FHIT: variants seen among roughly 807,000 people sequenced by gnomAD.
FHIT encodes the protein bis(5'-adenosyl)-triphosphatase.
A neutral mutation model predicts 17.9 loss-of-function variants in FHIT; 19 were observed. The observed-to-expected ratio is 1.06, with a 90% CI of 0.74 to 1.56. The LOEUF is 1.56. Ranked by LOEUF, FHIT falls within the 40% of genes most tolerant of loss-of-function variation. The pLI, the probability that FHIT is intolerant of heterozygous loss-of-function variation, is 0.00. For missense variants in FHIT, 248 were observed against 189.2 expected (o/e 1.31, Z -1.82); for synonymous variants, 81 against 69.7 (o/e 1.16, Z -0.81).
chr3:60,191,426 TAAAAA>T (rs1481705476), intron 5 of FHIT, among the ~76,000 whole-genome samples: 1 of 152,152 alleles, frequency 6.6e-6, no homozygotes, highest in Non-Finnish European at 1.5e-5. Flanking sequence ...ACTAGCAAGA[TAAAAA>T]GCAGTATTTC....
intron 5 of FHIT, among the ~76,000 whole-genome samples, chr3:60,313,841 C>T (rs1330446662): frequency 1.3e-5 from 2 of 152,106 alleles, no homozygotes; most frequent in African/African-American, 2.4e-5. Flanking sequence ...GAGAGATGGC[C>T]CCAGAAAAGT....
At chr3:60,541,385 A>T (rs2036180764) in intron 4 of FHIT, among the ~76,000 whole-genome samples, 2 of 152,214 alleles carry the variant, frequency 1.3e-5, no homozygotes, top group African/African-American at 4.8e-5. Flanking sequence ...CATTGATTCA[A>T]GTGACCTGTG....
chr3:59,817,896 T>C (rs1198791076), intron 8 of FHIT, among the ~76,000 whole-genome samples: 1 of 151,926 alleles, frequency 6.6e-6, no homozygotes, highest in African/African-American at 2.4e-5. Context: ...GCTGAGAGCT[T>C]CAGGGGCACT....
chr3:61,145,120 T>A (rs1339932173), intron 2 of FHIT, among the ~76,000 whole-genome samples: 1 of 152,152 alleles, frequency 6.6e-6, no homozygotes, highest in Non-Finnish European at 1.5e-5. Context: ...TAACTCAAGA[T>A]GACAAAGATT....
At chr3:60,518,501 T>G (rs1353230042) in intron 5 of FHIT, among the ~76,000 whole-genome samples, 4 of 152,176 alleles carry the variant, frequency 2.6e-5, no homozygotes, top group Non-Finnish European at 5.9e-5. Flanking sequence ...TGTACCCCCA[T>G]GCAGTGCTAG....
intron 8 of FHIT, among the ~76,000 whole-genome samples, chr3:59,778,427 G>C (rs112437940): frequency 3.9e-5 from 6 of 152,232 alleles, no homozygotes; most frequent in African/African-American, 1.4e-4. Context: ...CATAGAGCTT[G>C]TATTGTAGCA....
chr3:60,212,873 A>C (rs555925311), intron 5 of FHIT, among the ~76,000 whole-genome samples: 1 of 152,250 alleles, frequency 6.6e-6, no homozygotes, highest in South Asian at 2.1e-4. Flanking sequence ...AAACCAGCAA[A>C]TCCGGGTTTG....
intron 4 of FHIT, among the ~76,000 whole-genome samples, chr3:60,764,173 C>T (rs570855436): frequency 6.6e-6 from 1 of 152,166 alleles, no homozygotes; most frequent in East Asian, 1.9e-4. Flanking sequence ...TCCCACCATT[C>T]CTGAGGGGCT....
intron 7 of FHIT, among the ~76,000 whole-genome samples, chr3:59,923,720 C>T (rs1483742014): frequency 2.6e-5 from 4 of 152,102 alleles, no homozygotes; most frequent in Admixed American, 6.5e-5. Context: ...CCCTGATCAC[C>T]CACCCCTTCC....
intron 5 of FHIT, among the ~76,000 whole-genome samples, chr3:60,165,355 T>TC (rs372126177): frequency 5.0e-4 from 76 of 152,328 alleles, no homozygotes; most frequent in African/African-American, 1.0e-3. Flanking sequence ...TCCAGTGCCT[T>TC]CAGCGCAACT....
chr3:59,900,999 C>T (rs984821553), intron 8 of FHIT, among the ~76,000 whole-genome samples: 1 of 152,174 alleles, frequency 6.6e-6, no homozygotes, highest in Non-Finnish European at 1.5e-5. Context: ...GTATGACCAA[C>T]AGGATGCAGA....
At chr3:60,063,110 C>T (rs766450451) in intron 5 of FHIT, among the ~76,000 whole-genome samples, 1 of 152,112 alleles carries the variant, frequency 6.6e-6, no homozygotes, top group Non-Finnish European at 1.5e-5. Flanking sequence ...GCAAAACAGA[C>T]ACTTGGACAG....
intron 1 of FHIT, among the ~76,000 whole-genome samples, chr3:61,204,544 C>A (rs72879875): frequency 2.0e-5 from 3 of 152,084 alleles, no homozygotes; most frequent in African/African-American, 4.8e-5. Flanking sequence ...AAGGAAAACA[C>A]GCTGAATAGA....
intron 4 of FHIT, among the ~76,000 whole-genome samples, chr3:60,751,226 G>T (rs2042459547): frequency 6.6e-6 from 1 of 152,220 alleles, no homozygotes; most frequent in Non-Finnish European, 1.5e-5. Flanking sequence ...TACAACTGAA[G>T]AAATCTGAGA....
chr3:60,139,155 G>A (rs1051072044), intron 5 of FHIT, among the ~76,000 whole-genome samples: 1 of 152,188 alleles, frequency 6.6e-6, no homozygotes, highest in Non-Finnish European at 1.5e-5. Context: ...GGCCTTAGCT[G>A]TAAAGCATCT....
intron 8 of FHIT, among the ~76,000 whole-genome samples, chr3:59,866,368 G>C (rs925138744): frequency 2.0e-5 from 3 of 152,176 alleles, no homozygotes; most frequent in Non-Finnish European, 2.9e-5. Context: ...AATAAAGAGA[G>C]GCATGGAAAA....
chr3:60,132,000 T>A (rs551918534), intron 5 of FHIT, among the ~76,000 whole-genome samples: 41 of 152,270 alleles, frequency 2.7e-4, no homozygotes, highest in African/African-American at 9.6e-4. Context: ...CAGACTGAGC[T>A]TAGCTTTCTC....
chr3:60,232,601 CCA>C (rs2107555439), intron 5 of FHIT, among the ~76,000 whole-genome samples: 1 of 152,284 alleles, frequency 6.6e-6, no homozygotes, highest in South Asian at 2.1e-4. Flanking sequence ...TATTAGCGTC[CCA>C]CATTCGCTGG....
At chr3:60,677,196 T>C (rs1170767467) in intron 4 of FHIT, among the ~76,000 whole-genome samples, 1 of 152,118 alleles carries the variant, frequency 6.6e-6, no homozygotes. Flanking sequence ...ATTACGTAAA[T>C]TAAAGGGGTA....
Sources: gnomAD v4.1 joint callset for allele counts (sites outside exome capture counted in the v4.1 genomes callset) on GRCh38, gnomAD v4.1.1 for gene constraint, MANE v1.5 for transcripts, NCBI Gene and HGNC (gene_info 2026-07-23, HGNC 2026-07-21) for gene names.